Variants in SLTM observed in about 807,000 individuals in gnomAD.
The protein encoded by SLTM is SAFB like transcription modulator.
SLTM carries 43 observed loss-of-function variants against 134.6 expected under a neutral mutation model. The ratio of observed to expected loss-of-function variants is 0.32; its 90% CI spans 0.25 to 0.41. SLTM has a LOEUF of 0.41. SLTM is among the 10% of genes least tolerant of loss of function. The pLI, the probability that SLTM is intolerant of heterozygous loss-of-function variation, is 1.00. For missense variants in SLTM, 1,055 were observed against 1,288.8 expected (o/e 0.82, Z 2.78); for synonymous variants, 424 against 432.3 (o/e 0.98, Z 0.24).
Position 58,902,906 on chromosome 15 carries a change from A to T in SLTM, c.562-1619T>A, listed in dbSNP as rs569488798. Among the ~76,000 whole-genome samples, 275 of 148,036 alleles carry T rather than the reference A, an allele frequency of 1.9e-3. 2 individuals are homozygous for T. Among genetic ancestry groups the T allele is most frequent in the African/African-American group, 6.0e-3 (239 of 40,022 alleles). ...ACCCAGCTAATTTTTTATTATTATT[A>T]TTTTTTATTTTTTGAGACAGAGTCT... On this transcript the variant is annotated intron_variant, in intron 5 of 20. Coordinates refer to ENST00000380516, the MANE Select transcript of SLTM (RefSeq NM_024755.4).
intron 14 of SLTM, among the ~76,000 whole-genome samples, chr15:58,891,266 T>C (rs1205394068): frequency 1.3e-5 from 2 of 152,150 alleles, no homozygotes; most frequent in Admixed American, 6.6e-5. Flanking sequence ...AAGTATCTTA[T>C]TGATGCATGG....
At chr15:58,892,662 T>C (rs184167328) in intron 14 of SLTM, among the ~76,000 whole-genome samples, 2 of 152,276 alleles carry the variant, frequency 1.3e-5, no homozygotes, top group Non-Finnish European at 2.9e-5. Context: ...TTTTCAATTG[T>C]ATAATGGGCA....
At chr15:58,905,211 A>G (rs1332301303) in intron 5 of SLTM, among the ~76,000 whole-genome samples, 4 of 152,236 alleles carry the variant, frequency 2.6e-5, no homozygotes, top group South Asian at 2.1e-4. Flanking sequence ...CCAATTTGCA[A>G]TATTTGGAAA....
chr15:58,894,143 C>A lies in SLTM; in HGVS notation c.1428G>T (p.Lys476Asn). The change falls in exon 11 of 21, where the codon AAG (lysine) becomes AAT (asparagine). Residue 476 changes from lysine to asparagine, a missense_variant. Lys to Asn is a moderately conservative substitution (Grantham distance 94, BLOSUM62 0). Around this residue, in one of 3 missense-constraint regions of SLTM, gnomAD observed 776 missense variants for 962.2 expected, o/e 0.81. Coordinates refer to ENST00000380516, the MANE Select transcript of SLTM (RefSeq NM_024755.4). ...KKEMKKENDE[K>N]SSSRSSGDKK... ...TATCTCCAGAACTTCTTGAACTACT[C>A]TTTTCATCATTTTCTTTCTTCATTT... 1 of 1,612,180 alleles carries A rather than the reference C, an allele frequency of 6.2e-7. No individual in the cohort carries two copies. Among genetic ancestry groups the A allele is most frequent in the Non-Finnish European group, 8.5e-7 (1 of 1,179,204 alleles).
intron 13 of SLTM, 39 bp downstream of exon 13, chr15:58,893,240 A>G: frequency 6.7e-7 from 1 of 1,503,666 alleles, no homozygotes. Context: ...TTTTGTAAAC[A>G]GCTGAAGTAG....
At position 58,888,455 on chromosome 15, in the gene SLTM, T is replaced by A. The variant is rs1314045366; in HGVS notation, c.2305A>T (p.Asn769Tyr). The change falls in exon 17 of 21, where the codon AAT becomes TAT. Residue 769 changes from asparagine to tyrosine, a missense_variant. This residue lies in a region of SLTM where 776 missense variants were observed against 962.2 expected (regional missense o/e 0.81). Coordinates refer to ENST00000380516, the MANE Select transcript of SLTM (RefSeq NM_024755.4). ...SDYSRQQNRF[N>Y]DFDHRERGRF... is the part of the protein sequence containing the mutation. ...CCCCTCTCTCGGTGATCAAAGTCAT[T>A]AAATCTGTTCTGTTGGCGAGAGTAG... 4 of 1,614,094 alleles carry A rather than the reference T, an allele frequency of 2.5e-6. No individual in the cohort carries two copies. Among genetic ancestry groups the A allele is most frequent in the Non-Finnish European group, 3.4e-6 (4 of 1,179,980 alleles).
intron 9 of SLTM, among the ~76,000 whole-genome samples, chr15:58,894,977 T>G (rs1227612736): frequency 1.3e-5 from 2 of 152,162 alleles, no homozygotes; most frequent in East Asian, 1.9e-4. Context: ...AGTGCTGGGA[T>G]TACAAGCATG....
At chr15:58,898,884 A>G (rs1282795717) in intron 7 of SLTM, 32 bp from the exon 8 acceptor site, 5 of 1,477,142 alleles carry the variant, frequency 3.4e-6, no homozygotes, top group Middle Eastern at 3.5e-4. Flanking sequence ...AGAAAATTGA[A>G]AACAAAAACA....
chr15:58,912,317 T>C (rs1226776913), intron 5 of SLTM, among the ~76,000 whole-genome samples: 1 of 152,066 alleles, frequency 6.6e-6, no homozygotes, highest in Non-Finnish European at 1.5e-5. Context: ...GCCAGGATGG[T>C]CTCGATCTCC....
At chr15:58,921,768 CTTCTTTTT>C (rs552585801) in intron 2 of SLTM, among the ~76,000 whole-genome samples, 58 of 151,986 alleles carry the variant, frequency 3.8e-4, no homozygotes, top group East Asian at 2.5e-3. Flanking sequence ...ATATTGTTAA[CTTCTTTTT>C]TTCTTTTTTT....
At chr15:58,929,830 G>C (rs567693393) in intron 2 of SLTM, among the ~76,000 whole-genome samples, 3 of 152,156 alleles carry the variant, frequency 2.0e-5, no homozygotes, top group Admixed American at 1.3e-4. Context: ...AAGCAAAACT[G>C]GCTCTAAAGA....
At chr15:58,920,667 A>T (rs1270268572) in intron 2 of SLTM, among the ~76,000 whole-genome samples, 2 of 149,212 alleles carry the variant, frequency 1.3e-5, no homozygotes, top group African/African-American at 2.5e-5. Flanking sequence ...ATAAATAAAA[A>T]TTTTTTGGCT....
At chr15:58,918,194 TA>T (rs1329679154) in intron 2 of SLTM, among the ~76,000 whole-genome samples, 2 of 151,660 alleles carry the variant, frequency 1.3e-5, no homozygotes, top group Admixed American at 6.6e-5. Flanking sequence ...AGAAATGCCA[TA>T]AAAAAAAGAC....
chr15:58,928,824 A>G (rs2037663640), intron 2 of SLTM, among the ~76,000 whole-genome samples: 1 of 152,194 alleles, frequency 6.6e-6, no homozygotes, highest in Non-Finnish European at 1.5e-5. Flanking sequence ...TGATGTCTAC[A>G]TAATTACCTC....
At chr15:58,922,508 T>C (rs1341624838) in intron 2 of SLTM, among the ~76,000 whole-genome samples, 1 of 145,528 alleles carries the variant, frequency 6.9e-6, no homozygotes, top group Non-Finnish European at 1.5e-5. Flanking sequence ...TTATATATTA[T>C]ATACGTATAA....
intron 2 of SLTM, among the ~76,000 whole-genome samples, chr15:58,918,732 A>T (rs534252589): frequency 6.6e-6 from 1 of 152,298 alleles, no homozygotes; most frequent in Non-Finnish European, 1.5e-5. Flanking sequence ...ATATAATTTT[A>T]TAATTACTGT....
chr15:58,890,373 CTCTCTG>C lies in SLTM; in HGVS notation c.1981_1986del (p.Gln661_Arg662del). 1 of 1,614,156 alleles carries C rather than the reference CTCTCTG, an allele frequency of 6.2e-7. No homozygotes were observed. Among genetic ancestry groups the C allele is most frequent in the Non-Finnish European group, 8.5e-7 (1 of 1,180,016 alleles). On this transcript the variant is annotated inframe_deletion, in exon 15 of 21. Coordinates refer to ENST00000380516, the MANE Select transcript of SLTM (RefSeq NM_024755.4). ...CTTTCAATTTCTAGGCGCTCTCTCT[CTCTCTG>C]TAAGCGTTCCCGTTCTTCCCGTTCA...
intron 2 of SLTM, among the ~76,000 whole-genome samples, chr15:58,923,118 G>C (rs1185890579): frequency 1.3e-5 from 2 of 152,110 alleles, no homozygotes; most frequent in African/African-American, 4.8e-5. Context: ...AACCCTTTGG[G>C]AGGCCAAGGC....
chr15:58,916,161 T>C (rs1421949540), intron 3 of SLTM, among the ~76,000 whole-genome samples: 6 of 149,072 alleles, frequency 4.0e-5, no homozygotes, highest in African/African-American at 1.5e-4. Context: ...ATTTCTTAAT[T>C]TGATCTCTCT....
Sources: gnomAD v4.1 joint callset for allele counts (sites outside exome capture counted in the v4.1 genomes callset) on GRCh38, gnomAD v4.1.1 for gene constraint, gnomAD v4.1.1 regional missense constraint, MANE v1.5 for transcripts, NCBI Gene and HGNC (gene_info 2026-07-23, HGNC 2026-07-21) for gene names.